Variants in PRDM15 observed in about 807,000 individuals in gnomAD.
The protein encoded by PRDM15 is PR domain zinc finger protein 15.
Under a neutral mutation model 128.6 loss-of-function variants are expected in PRDM15, and 64 were observed. The observed-to-expected ratio is 0.50, with a 90% CI of 0.41 to 0.61. The LOEUF is 0.61. PRDM15 is among the 20% of genes least tolerant of loss of function. PRDM15 has a pLI of 0.00. For missense variants in PRDM15, 1,242 were observed against 1,569.1 expected, an observed-to-expected ratio of 0.79 and a Z score of 3.52; for synonymous variants, 615 against 621.8, an observed-to-expected ratio of 0.99 and a Z score of 0.16.
In PRDM15 at chr21:41,854,107, C is replaced by T. The variant is rs1289498899; in HGVS notation, c.538+459G>A. ...CTAATACAGTATTTTTCCTCTATTA[C>T]TTTGTCTATGTTTACATAGACAAAT... On this transcript the variant is annotated intron_variant, in intron 5 of 23. Transcript: ENST00000398548. The surrounding 1 kb of genome is among the most constrained non-coding windows in gnomAD (Gnocchi z 4.6). 1.3e-5 allele frequency among the ~76,000 whole-genome samples: 2 copies of T among 152,180 alleles called. No individual in the cohort carries two copies. The highest frequency in any genetic ancestry group is 2.9e-5 in the Non-Finnish European group (2 of 68,028).
chr21:41,824,192 G>A (rs78220760), intron 13 of PRDM15, among the ~76,000 whole-genome samples: 2,723 of 152,302 alleles, frequency 0.018, 24 homozygotes, highest in South Asian at 0.042. Flanking sequence ...GAAGAGAACA[G>A]ATGAATGAAA....
Position 41,811,033 on chromosome 21 carries a change from A to G in PRDM15, c.2393-197T>C, listed in dbSNP as rs1364927592. 9 of 556,360 alleles carry G rather than the reference A, an allele frequency of 1.6e-5. No homozygotes were observed. Among genetic ancestry groups the G allele is most frequent in the South Asian group, 1.4e-4 (6 of 42,124 alleles). The allele number at this position is 556,360 out of a possible 1,614,324, so 34.5% of individuals were successfully genotyped here. On this transcript the variant is annotated intron_variant, in intron 19 of 23. Coordinates refer to ENST00000398548, the MANE Select transcript of PRDM15 (RefSeq NM_001040424.3). The surrounding 1 kb of genome is among the most constrained non-coding windows in gnomAD (Gnocchi z 4.1). The stretch of plus-strand genomic sequence containing the variant: ...TGGCTTGGAAAGTTTATGCTTCCAT[A>G]GTGACATTTCATATCAAAAAAACAT...
chr21:41,866,354 A>G (rs926615489), intron 1 of PRDM15, among the ~76,000 whole-genome samples: 1 of 152,280 alleles, frequency 6.6e-6, no homozygotes, highest in African/African-American at 2.4e-5. Flanking sequence ...TTCGATATTT[A>G]CAAAGCACCT....
chr21:41,825,051 C>T (rs1197414455), intron 13 of PRDM15, among the ~76,000 whole-genome samples: 6 of 152,330 alleles, frequency 3.9e-5, no homozygotes, highest in African/African-American at 9.6e-5. Context: ...GCCACTTGAG[C>T]GACGTGCTGG....
intron 12 of PRDM15, among the ~76,000 whole-genome samples, chr21:41,827,088 T>C (rs1428908531): frequency 1.3e-5 from 2 of 152,276 alleles, no homozygotes; most frequent in East Asian, 1.9e-4. Flanking sequence ...CTCCCCTGCA[T>C]AGGTGAGAAA....
chr21:41,856,449 C>T (rs1258390922), intron 4 of PRDM15, among the ~76,000 whole-genome samples: 1 of 151,522 alleles, frequency 6.6e-6, no homozygotes, highest in Non-Finnish European at 1.5e-5. Flanking sequence ...AGATCCATTT[C>T]AAGGGTCTCT....
intron 10 of PRDM15, 56 bp from the exon 11 acceptor site, chr21:41,835,580 C>T (rs374742965): frequency 2.6e-5 from 38 of 1,477,524 alleles, no homozygotes; most frequent in East Asian, 1.1e-4. Context: ...CCACAGATGC[C>T]GAGCCCCCGA....
Position 41,867,384 on chromosome 21 carries a change from G to A in PRDM15, c.-9-7012C>T, listed in dbSNP as rs772656109. The stretch of plus-strand genomic sequence containing the variant: ...AAGTTTTGTGCAAAGGGTCCTGAAA[G>A]CAGTGAAAGGAAAGCAAGCTGAGGC... On this transcript the variant is annotated intron_variant, in intron 1 of 23. Coordinates refer to ENST00000398548, the MANE Select transcript of PRDM15 (RefSeq NM_001040424.3). The A allele has an allele frequency of 5.6e-6, 9 of 1,610,114 alleles. No individual in the cohort carries two copies. In the South Asian group the frequency reaches 7.7e-5, roughly 14 times the overall value.
chr21:41,819,504 C>T (rs116002266), intron 18 of PRDM15, 78 bp downstream of exon 18: 3 of 1,020,530 alleles, frequency 2.9e-6, no homozygotes, highest in African/African-American at 3.7e-5. Flanking sequence ...TCCCAGTTCT[C>T]GCTCATGTCC....
intron 1 of PRDM15, chr21:41,861,863 A>G: frequency 1.3e-6 from 2 of 1,576,692 alleles, no homozygotes; most frequent in South Asian, 1.1e-5. Flanking sequence ...AGAAATAACA[A>G]GGGGAGGGGG....
intron 6 of PRDM15, among the ~76,000 whole-genome samples, 190 bp downstream of exon 6, chr21:41,846,900 T>G (rs1601363586): frequency 1.4e-5 from 2 of 147,982 alleles, no homozygotes; most frequent in East Asian, 2.0e-4. Flanking sequence ...GGGTCGGGGG[T>G]GGGAAGCGGG....
chr21:41,837,587 C>T (rs572226602), intron 8 of PRDM15, among the ~76,000 whole-genome samples: 26 of 152,146 alleles, frequency 1.7e-4, no homozygotes, highest in Non-Finnish European at 2.9e-4. Context: ...CTTGGGAAGA[C>T]GGGAAAGTTC....
rs532175684 is a variant in PRDM15 at position 41,821,572 on chromosome 21, C to T, written c.1896+331G>A. 5.9e-5 allele frequency among the ~76,000 whole-genome samples: 9 copies of T among 152,224 alleles called. No individual in the cohort carries two copies. The South Asian group carries it at 1.2e-3, about 21-fold the overall frequency. ...AGGGGAAAAGGGGAGGAGAGAGGCG[C>T]CCCAGCCTGCAGCCAGCACAGCCAC... On this transcript the variant is annotated intron_variant, in intron 15 of 23. Coordinates refer to ENST00000398548, the MANE Select transcript of PRDM15 (RefSeq NM_001040424.3). The surrounding 1 kb of genome is among the most constrained non-coding windows in gnomAD (Gnocchi z 5.4).
At chr21:41,849,400 T>C (rs1165328061) in intron 5 of PRDM15, among the ~76,000 whole-genome samples, 2 of 151,836 alleles carry the variant, frequency 1.3e-5, no homozygotes, top group Non-Finnish European at 2.9e-5. Flanking sequence ...AAACGCCGTC[T>C]CTACTAAAAA....
chr21:41,876,861 G>A (rs79716228), intron 1 of PRDM15, among the ~76,000 whole-genome samples: 2,064 of 152,270 alleles, frequency 0.014, 48 homozygotes, highest in African/African-American at 0.047. Context: ...GTTCTGTGGA[G>A]TGGAATCATG....
chr21:41,855,684 G>A (rs978550517), intron 4 of PRDM15, among the ~76,000 whole-genome samples: 4 of 152,170 alleles, frequency 2.6e-5, no homozygotes, highest in Non-Finnish European at 4.4e-5. Flanking sequence ...AGTACCAGGC[G>A]ATGACCTTCA....
At chr21:41,873,610 T>C (rs1379643542) in intron 1 of PRDM15, among the ~76,000 whole-genome samples, 2 of 152,250 alleles carry the variant, frequency 1.3e-5, no homozygotes, top group Admixed American at 6.5e-5. Context: ...TCAGCCCTAC[T>C]GTTTTCTTGT....
chr21:41,879,075 G>A lies in PRDM15; in HGVS notation c.-10+195C>T. 8.8e-7 allele frequency: 1 copy of A among 1,132,816 alleles called. No individual in the cohort carries two copies. 70.2% of individuals were successfully genotyped at this position (1,132,816 alleles called of 1,614,324 possible). On this transcript the variant is annotated intron_variant, in intron 1 of 23. Transcript: ENST00000398548. This position sits in a 1 kb window ranked among gnomAD's most constrained non-coding sequence, Gnocchi z 5.1. ...CGGGTTTTGACTCCGATCGCCAACG[G>A]TGCCCGCAGCCGGCGAATGTAACAA...
chr21:41,874,872 A>G (rs534126140), intron 1 of PRDM15: 1 of 152,356 alleles, frequency 6.6e-6, no homozygotes, highest in East Asian at 1.9e-4. Context: ...CCTCTCTGAG[A>G]AAGCCGAGCT....
Sources: allele counts gnomAD v4.1 joint callset (sites outside exome capture counted in the v4.1 genomes callset), GRCh38; gene constraint gnomAD v4.1.1; non-coding constraint Gnocchi (gnomAD v3.1); transcripts MANE v1.5; gene names NCBI Gene and HGNC (gene_info 2026-07-23, HGNC 2026-07-21).